The following NAALADL2 variants were observed in gnomAD, a reference collection of about 807,000 sequenced individuals.
The protein encoded by NAALADL2 is inactive N-acetylated-alpha-linked acidic dipeptidase-like protein 2.
Under a neutral mutation model 87.2 loss-of-function variants are expected in NAALADL2, and 76 were observed. The ratio of observed to expected loss-of-function variants is 0.87; its 90% CI spans 0.72 to 1.05. The LOEUF is 1.05. Ranked by LOEUF, NAALADL2 falls within the 50% of genes least tolerant of loss-of-function variation. NAALADL2 has a pLI of 0.00. For synonymous variants in NAALADL2, 354 were observed against 331.0 expected (o/e 1.07, Z -0.75); for missense variants, 1,089 against 945.8 (o/e 1.15, Z -1.99).
At chr3:175,526,157 G>A (rs932859025) in intron 9 of NAALADL2, among the ~76,000 whole-genome samples, 2 of 152,200 alleles carry the variant, frequency 1.3e-5, no homozygotes, top group African/African-American at 4.8e-5. Flanking sequence ...TGCTGTTTTT[G>A]CAGTAGCAAC....
At chr3:174,537,869 T>C (rs1251527852) in intron 1 of NAALADL2, among the ~76,000 whole-genome samples, 2 of 152,170 alleles carry the variant, frequency 1.3e-5, no homozygotes, top group African/African-American at 4.8e-5. Flanking sequence ...CATCTGACCA[T>C]GTTTAATAAC....
chr3:175,315,773 GTTTTC>G (rs1560344358), intron 4 of NAALADL2, among the ~76,000 whole-genome samples: 1 of 152,126 alleles, frequency 6.6e-6, no homozygotes. Context: ...AAATATTTCA[GTTTTC>G]TTTATATTGT....
intron 9 of NAALADL2, among the ~76,000 whole-genome samples, chr3:175,517,876 G>T (rs942943597): frequency 1.3e-5 from 2 of 152,150 alleles, no homozygotes; most frequent in Non-Finnish European, 2.9e-5. Context: ...TTTACATAGG[G>T]ATCGCAGATT....
chr3:175,186,475 C>T (rs1737349674), intron 2 of NAALADL2, among the ~76,000 whole-genome samples: 1 of 152,018 alleles, frequency 6.6e-6, no homozygotes, highest in Non-Finnish European at 1.5e-5. Flanking sequence ...AAAACAAATG[C>T]CCTCTTTTGT....
chr3:175,125,902 T>A (rs555006284), intron 2 of NAALADL2, among the ~76,000 whole-genome samples: 2 of 152,104 alleles, frequency 1.3e-5, no homozygotes, highest in East Asian at 3.9e-4. Flanking sequence ...TGACTTAGAC[T>A]TGAGGCATTC....
chr3:174,596,117 A>G (rs993758635), intron 2 of NAALADL2, among the ~76,000 whole-genome samples: 3 of 152,328 alleles, frequency 2.0e-5, no homozygotes, highest in South Asian at 2.1e-4. Flanking sequence ...AATCACTATA[A>G]GGTCACTATA....
chr3:174,608,857 C>A, intron 2 of NAALADL2, among the ~76,000 whole-genome samples: 1 of 151,552 alleles, frequency 6.6e-6, no homozygotes, highest in African/African-American at 2.4e-5. Flanking sequence ...AGAGACACAA[C>A]CAAAAACCAG....
At chr3:174,764,914 G>GA (rs1052543500) in intron 3 of NAALADL2, among the ~76,000 whole-genome samples, 8 of 151,974 alleles carry the variant, frequency 5.3e-5, no homozygotes, top group African/African-American at 1.7e-4. Flanking sequence ...TTTGTATGCT[G>GA]AAAAATAATC....
intron 3 of NAALADL2, among the ~76,000 whole-genome samples, chr3:174,843,734 G>A (rs1560279843): frequency 6.6e-6 from 1 of 152,000 alleles, no homozygotes; most frequent in Non-Finnish European, 1.5e-5. Context: ...ACTAGAGTCA[G>A]GTGTTATCTT....
At chr3:175,600,262 A>C (rs1018992572) in intron 10 of NAALADL2, among the ~76,000 whole-genome samples, 10 of 151,760 alleles carry the variant, frequency 6.6e-5, no homozygotes, top group African/African-American at 2.4e-4. Flanking sequence ...TAGTCTCAAG[A>C]CACTCATTTT....
intron 2 of NAALADL2, among the ~76,000 whole-genome samples, chr3:174,708,494 ATCT>A (rs1213446857): frequency 6.6e-6 from 1 of 152,202 alleles, no homozygotes; most frequent in Non-Finnish European, 1.5e-5. Flanking sequence ...TGTAAAGCTG[ATCT>A]TCTGAGAAAT....
intron 3 of NAALADL2, among the ~76,000 whole-genome samples, chr3:174,744,299 T>C (rs1419707905): frequency 6.6e-6 from 1 of 151,826 alleles, no homozygotes; most frequent in Non-Finnish European, 1.5e-5. Context: ...GTCAGAGTGA[T>C]GTGATGTATG....
In NAALADL2 at chr3:175,692,273, G is replaced by T. The variant is rs892869996; in HGVS notation, c.1897-45033G>T. Among the ~76,000 whole-genome samples, 24 of 152,044 alleles carry T rather than the reference G, an allele frequency of 1.6e-4. No homozygotes were observed. The East Asian group carries it at 4.1e-3, about 26-fold the overall frequency. On this transcript the variant is annotated intron_variant, in intron 11 of 13. Coordinates refer to ENST00000454872, the MANE Select transcript of NAALADL2 (RefSeq NM_207015.3). ...ATTAATTCATAATTATTCATAGTTA[G>T]TTCATAATTGCATCTTGAGAATGAT...
intron 2 of NAALADL2, among the ~76,000 whole-genome samples, chr3:175,184,222 G>C (rs1034576258): frequency 6.6e-6 from 1 of 151,990 alleles, no homozygotes; most frequent in Non-Finnish European, 1.5e-5. Context: ...GTTTGCATGA[G>C]AATTACTTTA....
intron 5 of NAALADL2, among the ~76,000 whole-genome samples, chr3:175,386,345 C>T (rs191597704): frequency 2.0e-5 from 3 of 151,928 alleles, no homozygotes; most frequent in African/African-American, 7.2e-5. Context: ...TGCATCCATC[C>T]TAATGGTATT....
At chr3:174,946,043 CAAAAAAAAAAAAAAAA>C (rs57964168) in intron 1 of NAALADL2, among the ~76,000 whole-genome samples, 1 of 50,264 alleles carries the variant, frequency 2.0e-5, no homozygotes, top group Non-Finnish European at 3.8e-5. Context: ...GACTCTGCCT[CAAAAAAAAAAAAAAAA>C]AAAAAAAAAA....
intron 2 of NAALADL2, among the ~76,000 whole-genome samples, chr3:174,733,742 G>A (rs945830731): frequency 6.6e-6 from 1 of 152,212 alleles, no homozygotes; most frequent in Non-Finnish European, 1.5e-5. Flanking sequence ...GGAGATGGGA[G>A]ATCAGTCTCA....
intron 2 of NAALADL2, among the ~76,000 whole-genome samples, chr3:175,204,109 C>T (rs1216586532): frequency 2.6e-5 from 4 of 152,080 alleles, no homozygotes; most frequent in Non-Finnish European, 5.9e-5. Flanking sequence ...GCCAGCATCA[C>T]CCTAATACCA....
At chr3:175,672,529 G>A (rs1734141848) in intron 11 of NAALADL2, among the ~76,000 whole-genome samples, 1 of 151,992 alleles carries the variant, frequency 6.6e-6, no homozygotes, top group Non-Finnish European at 1.5e-5. Context: ...TTTAGCTTTA[G>A]AAAAAGACAG....
Sources: allele counts gnomAD v4.1 joint callset (sites outside exome capture counted in the v4.1 genomes callset), GRCh38; gene constraint gnomAD v4.1.1; transcripts MANE v1.5; gene names NCBI Gene and HGNC (gene_info 2026-07-23, HGNC 2026-07-21).